RAG1: variants seen among roughly 807,000 people sequenced by gnomAD.
RAG1 encodes V(D)J recombination-activating protein 1.
RAG1 carries 35 observed loss-of-function variants against 62.7 expected under a neutral mutation model. The observed-to-expected ratio is 0.56, with a 90% CI of 0.43 to 0.74. The LOEUF (loss-of-function observed/expected upper bound fraction) is 0.74, where lower values mean the gene tolerates loss of function less well. Among genes scored for constraint, RAG1 ranks in the 30% least tolerant of loss-of-function variants. The pLI, the probability that RAG1 is intolerant of heterozygous loss-of-function variation, is 0.00. For synonymous variants in RAG1, 461 were observed against 470.3 expected (o/e 0.98, Z 0.26); for missense variants, 1,169 against 1,278.6 (o/e 0.91, Z 1.31).
intron 3 of RAG1, among the ~76,000 whole-genome samples, chr11:36,544,137 GAT>G (rs1850356197): frequency 6.6e-6 from 1 of 152,168 alleles, no homozygotes; most frequent in East Asian, 1.9e-4. Flanking sequence ...GGCCCTCAGA[GAT>G]ATCAGGGCTT....
intron 3 of RAG1, among the ~76,000 whole-genome samples, chr11:36,541,627 G>A (rs1435155348): frequency 2.6e-5 from 4 of 152,128 alleles, no homozygotes; most frequent in African/African-American, 9.7e-5. Flanking sequence ...GGAAATACTA[G>A]GCCCTTGCTT....
upstream of RAG1, among the ~76,000 whole-genome samples, chr11:36,565,062 T>A (rs1346848735): frequency 6.6e-6 from 1 of 152,238 alleles, no homozygotes; most frequent in Non-Finnish European, 1.5e-5. Flanking sequence ...TTGGGGCAAG[T>A]AACCTCTAAG....
upstream of RAG1, among the ~76,000 whole-genome samples, chr11:36,564,727 A>T (rs1291616035): frequency 6.6e-6 from 1 of 152,234 alleles, no homozygotes; most frequent in Admixed American, 6.5e-5. Context: ...ATTTTAAGAC[A>T]GAGAAAGTGG....
In RAG1 at chr11:36,574,723, C is replaced by G; in HGVS notation, c.1419C>G (p.Ile473Met). 6.2e-7 allele frequency: 1 copy of G among 1,614,214 alleles called. No individual in the cohort carries two copies. The highest frequency in any genetic ancestry group is 8.5e-7 in the Non-Finnish European group (1 of 1,180,044). ...SGLQPAVCLA[I>M]RVNTFLSCSQ... is the part of the protein sequence containing the mutation. ...TGCAGCCAGCTGTTTGCTTGGCCAT[C>G]CGTGTCAACACCTTCCTCAGCTGCA... The change falls in exon 2 of 2, where the codon ATC becomes ATG. Residue 473 changes from isoleucine (I) to methionine (M), a missense_variant. Around this residue, in one of 2 missense-constraint regions of RAG1, gnomAD observed 800 missense variants for 943.3 expected, o/e 0.85. Coordinates refer to ENST00000299440, the MANE Select transcript of RAG1 (RefSeq NM_000448.3).
Position 36,573,289 on chromosome 11 carries a change from AG to A in RAG1, c.-14del. 1.2e-6 allele frequency: 2 copies of A among 1,614,064 alleles called. No homozygotes were observed. Among genetic ancestry groups the A allele is most frequent in the Non-Finnish European group, 1.7e-6 (2 of 1,179,968 alleles). ...AATATGACTTGTTTTCATTGTTCTC[AG>A]GTACCTCAGCCAGCATGGCAGCCTC... On this transcript the variant is annotated splice_acceptor_variant, in intron 1 of 1. Coordinates refer to ENST00000299440, the MANE Select transcript of RAG1 (RefSeq NM_000448.3). LOFTEE classifies it low-confidence loss of function (5UTR_SPLICE).
chr11:36,547,386 A>C (rs1401088423), intron 3 of RAG1, among the ~76,000 whole-genome samples: 1 of 152,210 alleles, frequency 6.6e-6, no homozygotes, highest in East Asian at 1.9e-4. Flanking sequence ...TAGCCAGACT[A>C]ATAAAGAAGG....
At chr11:36,557,540 C>T (rs922821911) in intron 3 of RAG1, among the ~76,000 whole-genome samples, 3 of 151,442 alleles carry the variant, frequency 2.0e-5, no homozygotes, top group Non-Finnish European at 4.4e-5. Context: ...AACCCGGTAC[C>T]TCAGATGGAA....
chr11:36,542,701 G>A (rs1019674042), intron 3 of RAG1, among the ~76,000 whole-genome samples: 1 of 152,132 alleles, frequency 6.6e-6, no homozygotes, highest in Admixed American at 6.5e-5. Flanking sequence ...CAGAAAACAG[G>A]GGACTTTCAG....
At chr11:36,569,403 TCAA>T (rs1850706770) in intron 1 of RAG1, among the ~76,000 whole-genome samples, 10 of 152,150 alleles carry the variant, frequency 6.6e-5, no homozygotes, top group Non-Finnish European at 1.5e-4. Flanking sequence ...AGAGAGGAGA[TCAA>T]GCATTTGCAA....
chr11:36,575,463 G>A lies in RAG1; in HGVS notation c.2159G>A (p.Gly720Asp), dbSNP rs374370400. The A allele has an allele frequency of 6.2e-7, 1 of 1,614,038 alleles. No individual in the cohort carries two copies. Among genetic ancestry groups the A allele is most frequent in the African/African-American group, 1.3e-5 (1 of 74,924 alleles). ...GAAAAACTTGTGCGGGAAGTGGAAG[G>A]CCTCGAGGCTTCTGGCTCAGTCTAC... Reference protein sequence around the residue: ...YDEKLVREVEGLEASGSVYIC... With the variant: ...YDEKLVREVEDLEASGSVYIC... The change falls in exon 2 of 2, where the codon GGC becomes GAC. Residue 720 changes from glycine to aspartate, a missense_variant. Physicochemically the swap from Gly to Asp is moderately conservative, Grantham distance 94. This residue lies in a region of RAG1 where 800 missense variants were observed against 943.3 expected (regional missense o/e 0.85). Coordinates refer to ENST00000299440, the MANE Select transcript of RAG1 (RefSeq NM_000448.3). This position sits in a 1 kb window ranked among gnomAD's most constrained non-coding sequence, Gnocchi z 4.1.
At chr11:36,542,526 G>T (rs927002905) in intron 3 of RAG1, among the ~76,000 whole-genome samples, 2 of 152,148 alleles carry the variant, frequency 1.3e-5, no homozygotes, top group Non-Finnish European at 2.9e-5. Context: ...GAGGAAGAGG[G>T]GCTGCCCCAG....
chr11:36,525,169 T>C (rs947778306), intron 2 of RAG1, among the ~76,000 whole-genome samples: 4 of 151,586 alleles, frequency 2.6e-5, no homozygotes, highest in African/African-American at 9.7e-5. Flanking sequence ...GTTTTTTCTC[T>C]ATTGAATTGT....
At position 36,576,848 on chromosome 11, in the gene RAG1, T is replaced by C. The variant is rs996888982; in HGVS notation, c.*412T>C. 1.4e-5 allele frequency: 3 copies of C among 214,346 alleles called. No individual in the cohort carries two copies. Among genetic ancestry groups the C allele is most frequent in the African/African-American group, 7.0e-5 (3 of 43,056 alleles). 13.3% of individuals were successfully genotyped at this position (214,346 alleles called of 1,614,324 possible). A position where few individuals can be genotyped will look rare whatever the true frequency, so the allele number is the denominator to read the frequency against. On this transcript the variant is annotated 3_prime_UTR_variant, in exon 2 of 2. Coordinates refer to ENST00000299440, the MANE Select transcript of RAG1 (RefSeq NM_000448.3). The stretch of plus-strand genomic sequence containing the variant: ...CCCCCTTGATTGATTATATTTTGTA[T>C]TGAGATATGATAAGTGCCTTCTATT...
chr11:36,532,390 G>C (rs1238125276), intron 2 of RAG1, among the ~76,000 whole-genome samples: 2 of 151,928 alleles, frequency 1.3e-5, no homozygotes, highest in Non-Finnish European at 2.9e-5. Flanking sequence ...TTACAAAAAT[G>C]GTACCACATT....
intron 1 of RAG1, among the ~76,000 whole-genome samples, chr11:36,517,685 A>T (rs984157341): frequency 6.6e-6 from 1 of 152,230 alleles, no homozygotes; most frequent in South Asian, 2.1e-4. Flanking sequence ...TAAGAACAAA[A>T]TAACTTTCAA....
At chr11:36,544,023 C>T (rs375164897) in intron 3 of RAG1, among the ~76,000 whole-genome samples, 9 of 152,162 alleles carry the variant, frequency 5.9e-5, no homozygotes, top group African/African-American at 2.2e-4. Context: ...TACCTGGTTT[C>T]CTTTATTAAC....
chr11:36,529,908 T>G (rs1374635304), intron 2 of RAG1, among the ~76,000 whole-genome samples: 1 of 152,070 alleles, frequency 6.6e-6, no homozygotes, highest in Non-Finnish European at 1.5e-5. Flanking sequence ...GTCGATTCCT[T>G]ATTAACTATT....
In RAG1 at chr11:36,575,023, G is replaced by A. The variant is rs1016397554; in HGVS notation, c.1719G>A (p.Met573Ile). Residue 573 changes from methionine to isoleucine, a missense_variant, in exon 2 of 2, where the codon ATG becomes ATA. By Grantham distance (10) the Met-to-Ile change is conservative (BLOSUM62 1). Around this residue, in one of 2 missense-constraint regions of RAG1, gnomAD observed 800 missense variants for 943.3 expected, o/e 0.85. Coordinates refer to ENST00000299440, the MANE Select transcript of RAG1 (RefSeq NM_000448.3). This position sits in a 1 kb window ranked among gnomAD's most constrained non-coding sequence, Gnocchi z 4.1. Reference sequence around the variant, plus strand: ...CTTTGGTGTCTGCTTTGATGGACATGGAAGAAGACATCTTGGAAGGCATGA... The same window carrying A: ...CTTTGGTGTCTGCTTTGATGGACATAGAAGAAGACATCTTGGAAGGCATGA... ...DSALVSALMD[M>I]EEDILEGMRS... is the part of the protein sequence containing the mutation. 3 of 1,613,946 alleles carry A rather than the reference G, an allele frequency of 1.9e-6. No homozygotes were observed. The African/African-American group carries it at 4.0e-5, about 22-fold the overall frequency.
At chr11:36,537,505 A>C (rs925075247), downstream of RAG1, among the ~76,000 whole-genome samples, 7 of 152,202 alleles carry the variant, frequency 4.6e-5, no homozygotes, top group African/African-American at 1.7e-4. Context: ...GAAATCAAAT[A>C]AAATATCAAA....
Sources: allele counts gnomAD v4.1 joint callset (sites outside exome capture counted in the v4.1 genomes callset), GRCh38; gene constraint gnomAD v4.1.1; regional missense constraint gnomAD v4.1.1; non-coding constraint Gnocchi (gnomAD v3.1); transcripts MANE v1.5; gene names NCBI Gene and HGNC (gene_info 2026-07-23, HGNC 2026-07-21).